The following MAML3 variants were observed in gnomAD, a reference collection of about 807,000 sequenced individuals.
MAML3 encodes the protein mastermind like transcriptional coactivator 3.
MAML3 carries 27 observed loss-of-function variants against 101.9 expected under a neutral mutation model. The ratio of observed to expected loss-of-function variants is 0.27; its 90% CI spans 0.20 to 0.37. MAML3 has a LOEUF of 0.37. Ranked by LOEUF, MAML3 falls within the 10% of genes least tolerant of loss-of-function variation. The pLI is 1.00. For missense variants in MAML3, 1,316 were observed against 1,444.9 expected, an observed-to-expected ratio of 0.91 and a Z score of 1.45; for synonymous variants, 501 against 555.9, an observed-to-expected ratio of 0.90 and a Z score of 1.39.
intron 1 of MAML3, among the ~76,000 whole-genome samples, chr4:140,009,606 A>G (rs1726515423): frequency 6.6e-6 from 1 of 152,230 alleles, no homozygotes; most frequent in Admixed American, 6.5e-5. Flanking sequence ...ACTTCACTAA[A>G]TTCTCCCTAA....
rs1732440722 is a variant in MAML3, at chr4:139,890,096, A to G, written c.1340T>C (p.Val447Ala). ...CACAGGCCCTGACGCTGAACCGGCC[A>G]CTGTCACTGCTGCCGGATTCAGGAG... ...GYLLNPAAVTVAGSASGPVAV... is the reference protein window; with the variant it reads ...GYLLNPAAVTAAGSASGPVAV... The change falls in exon 2 of 5, where the codon GTG becomes GCG. Residue 447 changes from valine (V) to alanine (A), a missense_variant. Physicochemically the swap from Val to Ala is moderately conservative, Grantham distance 64 (BLOSUM62 0). Coordinates refer to ENST00000509479, the MANE Select transcript of MAML3 (RefSeq NM_018717.5). This position sits in a 1 kb window ranked among gnomAD's most constrained non-coding sequence, Gnocchi z 4.1. 4 of 1,613,558 alleles carry G rather than the reference A, an allele frequency of 2.5e-6. No homozygotes were observed. The Admixed American group carries it at 6.7e-5, about 27-fold the overall frequency.
intron 1 of MAML3, among the ~76,000 whole-genome samples, chr4:139,924,490 A>T (rs1733183878): frequency 6.6e-6 from 1 of 152,196 alleles, no homozygotes; most frequent in African/African-American, 2.4e-5. Flanking sequence ...TCTCCATGTT[A>T]TTCTGTTATC....
intron 2 of MAML3, among the ~76,000 whole-genome samples, chr4:139,836,004 G>A (rs1477378837): frequency 6.6e-6 from 1 of 152,162 alleles, no homozygotes; most frequent in Admixed American, 6.5e-5. Flanking sequence ...TGCACCACAG[G>A]GGGCCAATGG....
chr4:140,011,272 A>T (rs1243726506), intron 1 of MAML3, among the ~76,000 whole-genome samples: 10 of 135,408 alleles, frequency 7.4e-5, no homozygotes, highest in African/African-American at 2.3e-4. Flanking sequence ...GACCCAAAAA[A>T]CTTTACTTTG....
intron 2 of MAML3, among the ~76,000 whole-genome samples, chr4:139,854,493 CT>C (rs1731619980): frequency 1.3e-5 from 2 of 149,796 alleles, no homozygotes; most frequent in African/African-American, 4.9e-5. Context: ...ACTGGATGTG[CT>C]CTCAGGGCCC....
At chr4:139,943,017 A>G (rs1331117468) in intron 1 of MAML3, among the ~76,000 whole-genome samples, 1 of 152,224 alleles carries the variant, frequency 6.6e-6, no homozygotes, top group Admixed American at 6.5e-5. Context: ...AAGCCATATA[A>G]TTTTAAACAA....
chr4:140,085,761 T>C (rs779804498), intron 1 of MAML3, among the ~76,000 whole-genome samples: 1 of 152,194 alleles, frequency 6.6e-6, no homozygotes, highest in Non-Finnish European at 1.5e-5. Context: ...AGTTTCAAAA[T>C]AAAGAATAAG....
intron 1 of MAML3, among the ~76,000 whole-genome samples, chr4:140,010,997 T>C (rs1269055459): frequency 6.6e-6 from 1 of 150,698 alleles, no homozygotes; most frequent in Admixed American, 6.6e-5. Context: ...CTTGGGAGGC[T>C]GAGGCAGGAG....
intron 2 of MAML3, among the ~76,000 whole-genome samples, chr4:139,789,435 T>A (rs1321073574): frequency 6.6e-6 from 1 of 151,660 alleles, no homozygotes; most frequent in Non-Finnish European, 1.5e-5. Flanking sequence ...GCAAGCAGAG[T>A]CTAGAAAGCA....
At chr4:140,141,684 C>T (rs1330244476) in intron 1 of MAML3, among the ~76,000 whole-genome samples, 1 of 152,166 alleles carries the variant, frequency 6.6e-6, no homozygotes, top group African/African-American at 2.4e-5. Context: ...GAAAAAGGAA[C>T]GTCACTCCTG....
At chr4:139,922,996 C>A (rs1030256803) in intron 1 of MAML3, among the ~76,000 whole-genome samples, 8 of 152,020 alleles carry the variant, frequency 5.3e-5, no homozygotes, top group African/African-American at 1.9e-4. Flanking sequence ...ATCCCCTGCA[C>A]CCCAGTGCTC....
chr4:139,893,127 C>CTAGA (rs1443086784), intron 1 of MAML3, among the ~76,000 whole-genome samples: 1 of 152,118 alleles, frequency 6.6e-6, no homozygotes, highest in Non-Finnish European at 1.5e-5. Flanking sequence ...TCTTCAGAGC[C>CTAGA]TAGAATTCTT....
chr4:139,950,962 C>T (rs1277382788), intron 1 of MAML3, among the ~76,000 whole-genome samples: 2 of 152,212 alleles, frequency 1.3e-5, no homozygotes, highest in East Asian at 3.8e-4. Context: ...GAAGAACAAC[C>T]TCATTGCCCT....
In MAML3 at chr4:139,718,986, G is replaced by T. The variant is rs946148946; in HGVS notation, c.*337C>A. The T allele has an allele frequency of 9.9e-5, 25 of 252,274 alleles. No homozygotes were observed. Among genetic ancestry groups the T allele is most frequent in the Non-Finnish European group, 1.2e-4 (16 of 131,512 alleles). 15.6% of individuals were successfully genotyped at this position (252,274 alleles called of 1,614,324 possible). On this transcript the variant is annotated 3_prime_UTR_variant, in exon 5 of 5. Transcript: ENST00000509479. The stretch of plus-strand genomic sequence containing the variant: ...CCTCTCTTGGGTAATAGTCCCTCTC[G>T]GCTGAAGCAGCTCCTGCTGGGCCAG...
intron 1 of MAML3, among the ~76,000 whole-genome samples, chr4:140,125,610 T>C (rs1728670705): frequency 6.6e-6 from 1 of 152,076 alleles, no homozygotes. Context: ...AAGGTACAGG[T>C]TTTTTGTCTG....
chr4:139,958,831 A>C (rs10023434), intron 1 of MAML3, among the ~76,000 whole-genome samples: 1 of 152,096 alleles, frequency 6.6e-6, no homozygotes, highest in Non-Finnish European at 1.5e-5. Flanking sequence ...ATAATACTCT[A>C]TTGTCCTTCA....
intron 1 of MAML3, among the ~76,000 whole-genome samples, chr4:139,905,491 C>CAAAAAAAAAAAAAAAAAA (rs57898254): frequency 5.0e-5 from 4 of 79,964 alleles, no homozygotes; most frequent in Non-Finnish European, 5.3e-5. Flanking sequence ...GACTCTGTCT[C>CAAAAAAAAAAAAAAAAAA]AAAAAAAAAA....
intron 1 of MAML3, among the ~76,000 whole-genome samples, chr4:139,927,246 T>C (rs1223597894): frequency 2.6e-5 from 4 of 152,104 alleles, no homozygotes; most frequent in African/African-American, 9.7e-5. Flanking sequence ...TGGAATGAGG[T>C]TACGTATTTT....
At chr4:139,733,601 A>G (rs13122911) in intron 2 of MAML3, among the ~76,000 whole-genome samples, 40 of 149,834 alleles carry the variant, frequency 2.7e-4, no homozygotes, top group Admixed American at 7.3e-4. Flanking sequence ...AGGATTATGT[A>G]TTTCCCCAAA....
Sources: allele counts gnomAD v4.1 joint callset (sites outside exome capture counted in the v4.1 genomes callset), GRCh38; gene constraint gnomAD v4.1.1; non-coding constraint Gnocchi (gnomAD v3.1); transcripts MANE v1.5; gene names NCBI Gene and HGNC (gene_info 2026-07-23, HGNC 2026-07-21).